SPATA13: variants seen among roughly 807,000 people sequenced by gnomAD.
The protein encoded by SPATA13 is spermatogenesis associated 13, also known as spermatogenesis-associated protein 13.
In SPATA13, 50 loss-of-function variants were observed where a neutral mutation model predicts 104.0. The ratio of observed to expected loss-of-function variants is 0.48; its 90% CI spans 0.38 to 0.61. The LOEUF (loss-of-function observed/expected upper bound fraction) is 0.61. Among genes scored for constraint, SPATA13 ranks in the 20% least tolerant of loss-of-function variants. The pLI is 0.00. For missense variants in SPATA13, 1,524 were observed against 1,690.6 expected (o/e 0.90, Z 1.73); for synonymous variants, 606 against 667.5 (o/e 0.91, Z 1.42).
intron 1 of SPATA13, among the ~76,000 whole-genome samples, chr13:24,209,227 A>G (rs990256771): frequency 8.5e-5 from 13 of 152,236 alleles, no homozygotes; most frequent in African/African-American, 2.9e-4. Flanking sequence ...AAGAGTAGAT[A>G]TTTTAAAGGT....
chr13:24,058,222 G>T (rs1878637828), intron 3 of SPATA13, among the ~76,000 whole-genome samples: 1 of 151,838 alleles, frequency 6.6e-6, no homozygotes, highest in African/African-American at 2.4e-5. Flanking sequence ...GATCGTAAGT[G>T]GAAGGAAGGA....
chr13:24,004,377 A>G (rs1432097013), intron 2 of SPATA13, among the ~76,000 whole-genome samples: 1 of 152,164 alleles, frequency 6.6e-6, no homozygotes, highest in Non-Finnish European at 1.5e-5. Context: ...AACTGTGCTT[A>G]CTTATTGTTA....
intron 3 of SPATA13, among the ~76,000 whole-genome samples, chr13:24,022,623 C>A (rs1877035719): frequency 6.6e-6 from 1 of 152,154 alleles, no homozygotes; most frequent in Admixed American, 6.5e-5. Flanking sequence ...TTTTCCACCA[C>A]AATTTTTGAA....
chr13:24,230,800 A>C (rs1872220812), intron 2 of SPATA13, among the ~76,000 whole-genome samples: 1 of 152,148 alleles, frequency 6.6e-6, no homozygotes, highest in Non-Finnish European at 1.5e-5. Flanking sequence ...TTAAGCAGTT[A>C]GGTCTGGACA....
chr13:24,249,236 T>C (rs1027100648), intron 2 of SPATA13, among the ~76,000 whole-genome samples: 9 of 152,244 alleles, frequency 5.9e-5, no homozygotes, highest in Non-Finnish European at 1.5e-5. Flanking sequence ...ATTTCAATTA[T>C]GGTTATTGAA....
chr13:24,268,249 T>A (rs1312717335), intron 4 of SPATA13, among the ~76,000 whole-genome samples: 8 of 152,216 alleles, frequency 5.3e-5, no homozygotes, highest in Non-Finnish European at 1.2e-4. Flanking sequence ...GTTTTCAAAC[T>A]CTTTTCTTGG....
At chr13:24,176,233 C>T (rs1868424924) in intron 1 of SPATA13, among the ~76,000 whole-genome samples, 1 of 152,134 alleles carries the variant, frequency 6.6e-6, no homozygotes, top group Non-Finnish European at 1.5e-5. Flanking sequence ...CTGTCTTTTC[C>T]ATAACACAAT....
At chr13:24,194,655 G>T (rs1223148283) in intron 1 of SPATA13, among the ~76,000 whole-genome samples, 1 of 152,136 alleles carries the variant, frequency 6.6e-6, no homozygotes, top group Admixed American at 6.5e-5. Flanking sequence ...CTGGTCTGCC[G>T]CTTTCCACTG....
intron 3 of SPATA13, among the ~76,000 whole-genome samples, chr13:24,141,636 C>G (rs1566119147): frequency 6.6e-6 from 1 of 152,136 alleles, no homozygotes; most frequent in Non-Finnish European, 1.5e-5. Context: ...GGGAAGGGCA[C>G]GAGTCATGTT....
intron 8 of SPATA13, 52 bp from the exon 9 acceptor site, chr13:24,290,600 C>T (rs1876274595): frequency 7.1e-7 from 1 of 1,401,062 alleles, no homozygotes; most frequent in African/African-American, 1.4e-5. Context: ...CTGTCTTTGT[C>T]ATGTCCCAGA....
In SPATA13 at chr13:24,251,812, C is replaced by T; in HGVS notation, c.2114C>T (p.Pro705Leu). Residue 705 changes from proline to leucine, a missense_variant, in exon 4 of 13, where the codon CCC becomes CTC. Transcript: ENST00000382108. ...CCCTTCACATTCTCCCAGAGCACCCCCATTGGGTTGGACCGTGTGGGACGC... is the reference window on the plus strand; with the variant it reads ...CCCTTCACATTCTCCCAGAGCACCCTCATTGGGTTGGACCGTGTGGGACGC... Reference protein sequence around the residue: ...FRPFTFSQSTPIGLDRVGRRR... With the variant: ...FRPFTFSQSTLIGLDRVGRRR... 1.9e-6 allele frequency: 3 copies of T among 1,614,180 alleles called. No individual in the cohort carries two copies. Among genetic ancestry groups the T allele is most frequent in the Non-Finnish European group, 2.5e-6 (3 of 1,180,008 alleles).
At chr13:24,103,205 G>A (rs573434952) in intron 3 of SPATA13, among the ~76,000 whole-genome samples, 1 of 152,244 alleles carries the variant, frequency 6.6e-6, no homozygotes, top group Non-Finnish European at 1.5e-5. Context: ...AGTAGTTATT[G>A]ACCTCCCTAC....
At chr13:24,184,726 T>A (rs1299323011) in intron 1 of SPATA13, among the ~76,000 whole-genome samples, 1 of 152,208 alleles carries the variant, frequency 6.6e-6, no homozygotes, top group East Asian at 1.9e-4. Flanking sequence ...TCCAAGTGAC[T>A]GGACCTAATA....
chr13:24,154,825 C>T (rs1333419900), intron 3 of SPATA13, among the ~76,000 whole-genome samples: 1 of 152,146 alleles, frequency 6.6e-6, no homozygotes, highest in Non-Finnish European at 1.5e-5. Flanking sequence ...CGACAGAATT[C>T]ACTTCTTTGG....
At chr13:23,996,904 T>C (rs1458969106) in intron 2 of SPATA13, among the ~76,000 whole-genome samples, 1 of 152,214 alleles carries the variant, frequency 6.6e-6, no homozygotes, top group African/African-American at 2.4e-5. Flanking sequence ...ATAAGGATCC[T>C]TGTGCTCACA....
intron 1 of SPATA13, among the ~76,000 whole-genome samples, chr13:24,178,063 A>G (rs940680446): frequency 1.7e-4 from 25 of 151,026 alleles, no homozygotes; most frequent in African/African-American, 5.1e-4. Flanking sequence ...CATCTTGCCC[A>G]TGCTGGTCTT....
chr13:24,041,215 A>G (rs1877915732), intron 3 of SPATA13, among the ~76,000 whole-genome samples: 1 of 152,230 alleles, frequency 6.6e-6, no homozygotes, highest in South Asian at 2.1e-4. Context: ...TTGTTTGTTA[A>G]ATAAAAGGTG....
rs1874963283 is a variant in SPATA13, at chr13:24,276,061, T to C, written c.2165-8074T>C. Among the ~76,000 whole-genome samples, 3 of 152,178 alleles carry C rather than the reference T, an allele frequency of 2.0e-5. No homozygotes were observed. In the South Asian group the frequency reaches 6.2e-4, roughly 32 times the overall value. On this transcript the variant is annotated intron_variant, in intron 4 of 12. Coordinates refer to ENST00000382108, the MANE Select transcript of SPATA13 (RefSeq NM_001166271.3). ...GTGGGAATGTGAAATGATGCAGCCA[T>C]GTGGAAAACAGTATGGAGAGTCCTC...
chr13:24,064,664 T>C (rs1878886325), intron 3 of SPATA13, among the ~76,000 whole-genome samples: 1 of 152,174 alleles, frequency 6.6e-6, no homozygotes, highest in African/African-American at 2.4e-5. Context: ...GCTTGCAGAA[T>C]TGTGAAAGAC....
Sources: allele counts gnomAD v4.1 joint callset (sites outside exome capture counted in the v4.1 genomes callset), GRCh38; gene constraint gnomAD v4.1.1; transcripts MANE v1.5; gene names NCBI Gene and HGNC (gene_info 2026-07-23, HGNC 2026-07-21).